MOK: variants seen among roughly 807,000 people sequenced by gnomAD.
MOK encodes MAPK/MAK/MRK overlapping kinase.
MOK carries 59 observed loss-of-function variants against 54.2 expected under a neutral mutation model. That is an observed-to-expected ratio of 1.09 (90% CI 0.88 to 1.35). The LOEUF (loss-of-function observed/expected upper bound fraction) is 1.35. MOK is among the 40% of genes most tolerant of loss of function. The pLI is 0.00. For missense variants in MOK, 517 were observed against 526.2 expected, an observed-to-expected ratio of 0.98 and a Z score of 0.17; for synonymous variants, 210 against 202.7, an observed-to-expected ratio of 1.04 and a Z score of -0.31.
intron 1 of MOK, among the ~76,000 whole-genome samples, chr14:102,284,248 CA>C (rs1050517718): frequency 4.6e-5 from 7 of 151,900 alleles, no homozygotes; most frequent in African/African-American, 1.7e-4. Flanking sequence ...CTGCTGTGAA[CA>C]AAAGTCTAAA....
rs756609940 is a variant in MOK at position 102,304,996 on chromosome 14, C to T, written c.-28G>A. 27 of 1,609,498 alleles carry T rather than the reference C, an allele frequency of 1.7e-5. No homozygotes were observed. In the African/African-American group the frequency reaches 3.1e-4, roughly 18 times the overall value. On this transcript the variant is annotated 5_prime_UTR_variant, in exon 1 of 12. Coordinates refer to ENST00000361847, the MANE Select transcript of MOK (RefSeq NM_014226.3). ...TGGATGCGGAAGCCGGTGACAACCCCTTGCCGACACTGGACGGAAAAGAAA... is the reference window on the plus strand; with the variant it reads ...TGGATGCGGAAGCCGGTGACAACCCTTTGCCGACACTGGACGGAAAAGAAA...
rs1292211443 is a variant in MOK, at chr14:102,233,429, C to T, written c.692+259G>A. On this transcript the variant is annotated intron_variant, in intron 8 of 11. Transcript: ENST00000361847. ...TCCTGTTTAAATTACTCAGGGAACACAGCCTGACTCCCCAGCCCTCAGAAA... is the reference window on the plus strand; with the variant it reads ...TCCTGTTTAAATTACTCAGGGAACATAGCCTGACTCCCCAGCCCTCAGAAA... The T allele has an allele frequency of 3.3e-5, 15 of 452,108 alleles. No individual in the cohort carries two copies. The South Asian group carries it at 3.8e-4, about 11-fold the overall frequency. The allele number at this position is 452,108 out of a possible 1,614,324, so 28.0% of individuals were successfully genotyped here. A position where few individuals can be genotyped will look rare whatever the true frequency, so the allele number is the denominator to read the frequency against.
chr14:102,257,153 C>T (rs2067030930), intron 4 of MOK, among the ~76,000 whole-genome samples: 1 of 151,336 alleles, frequency 6.6e-6, no homozygotes, highest in Non-Finnish European at 1.5e-5. Flanking sequence ...TGCCTTGCAG[C>T]TGAGTGTTCC....
chr14:102,258,577 C>T (rs1253308970), intron 4 of MOK, among the ~76,000 whole-genome samples: 2 of 152,196 alleles, frequency 1.3e-5, no homozygotes, highest in Non-Finnish European at 2.9e-5. Context: ...TCTGGAATAG[C>T]CCATGGCATG....
In MOK at chr14:102,245,810, C is replaced by T. The variant is rs2066051893; in HGVS notation, c.590+5002G>A. Among the ~76,000 whole-genome samples the T allele has an allele frequency of 6.6e-6, 1 of 152,142 alleles. No homozygotes were observed. Among genetic ancestry groups the T allele is most frequent in the South Asian group, 2.1e-4 (1 of 4,828 alleles). On this transcript the variant is annotated intron_variant, in intron 7 of 11. Transcript: ENST00000361847. This position sits in a 1 kb window ranked among gnomAD's most constrained non-coding sequence, Gnocchi z 4.3. ...GCAGCCAAACTCTCAGGACATACCC[C>T]CTAGTATCACCTTTCCAGGTTAAAG... is the stretch of plus-strand genomic sequence containing the variant.
intron 4 of MOK, among the ~76,000 whole-genome samples, chr14:102,253,166 G>A (rs138367962): frequency 1.2e-3 from 187 of 152,302 alleles, no homozygotes; most frequent in African/African-American, 4.3e-3. Flanking sequence ...CAGAATTGTT[G>A]ATAATTTTTT....
intron 1 of MOK, among the ~76,000 whole-genome samples, chr14:102,297,526 C>T (rs1326590020): frequency 1.3e-5 from 2 of 152,234 alleles, no homozygotes; most frequent in Non-Finnish European, 2.9e-5. Context: ...CGCTGGCTCT[C>T]GGCACCTCCT....
intron 1 of MOK, among the ~76,000 whole-genome samples, chr14:102,292,349 T>C (rs2070850533): frequency 6.6e-6 from 1 of 151,928 alleles, no homozygotes; most frequent in African/African-American, 2.4e-5. Flanking sequence ...GGCAGACAGC[T>C]GTAGTCCCAG....
chr14:102,219,340 T>G, the MOK span, among the ~76,000 whole-genome samples: 3 of 152,246 alleles, frequency 2.0e-5, no homozygotes, highest in Admixed American at 1.3e-4. Context: ...GTCCAGTGAC[T>G]CGCACAAGTC....
At position 102,229,371 on chromosome 14, in the gene MOK, C is replaced by CA; in HGVS notation, c.1183-6dup. The CA allele has an allele frequency of 3.1e-6, 5 of 1,614,180 alleles. No individual in the cohort carries two copies. Among genetic ancestry groups the CA allele is most frequent in the Non-Finnish European group, 2.5e-6 (3 of 1,180,006 alleles). On this transcript the variant is annotated splice_polypyrimidine_tract_variant and splice_region_variant and intron_variant, in intron 11 of 11. Transcript: ENST00000361847. ...AAGGTCCTTCTGCGGATCTGTCTGT[C>CA]AAAGAAAAATTACAGACACAAAATT...
Position 102,230,081 on chromosome 14 carries a change from T to C in MOK, c.982-424A>G, listed in dbSNP as rs1260710351. 1 of 182,824 alleles carries C rather than the reference T, an allele frequency of 5.5e-6. No individual in the cohort carries two copies. The highest frequency in any genetic ancestry group is 2.4e-5 in the African/African-American group (1 of 42,112). 11.3% of individuals were successfully genotyped at this position (182,824 alleles called of 1,614,324 possible). The stretch of plus-strand genomic sequence containing the variant: ...TTGAGACACGGTGTTTGTTGCTCTG[T>C]AGCACAGACTGGAGTGCAGTGGTGC... On this transcript the variant is annotated intron_variant, in intron 10 of 11. Coordinates refer to ENST00000361847, the MANE Select transcript of MOK (RefSeq NM_014226.3). This position sits in a 1 kb window ranked among gnomAD's most constrained non-coding sequence, Gnocchi z 4.1.
rs2066023324 is a variant in MOK, at chr14:102,245,515, G to A, written c.590+5297C>T. On this transcript the variant is annotated intron_variant, in intron 7 of 11. Transcript: ENST00000361847. This position sits in a 1 kb window ranked among gnomAD's most constrained non-coding sequence, Gnocchi z 4.3. ...TCCCTGCCTTAACTGATATTTCCTT[G>A]TGAAATTCCTTTTCTCAGAAGCTCC... Among the ~76,000 whole-genome samples the A allele has an allele frequency of 6.6e-6, 1 of 152,038 alleles. No homozygotes were observed. The highest frequency in any genetic ancestry group is 1.5e-5 in the Non-Finnish European group (1 of 68,002).
rs573088823 is a variant in MOK at position 102,232,361 on chromosome 14, C to A, written c.866+174G>T. On this transcript the variant is annotated intron_variant, in intron 9 of 11. Transcript: ENST00000361847. The surrounding 1 kb of genome is among the most constrained non-coding windows in gnomAD (Gnocchi z 5.1). Reference sequence around the variant, plus strand: ...ACATCCTCATTTTGGGGAGGATACACCAGAAGGCAGCACGGTGTGGGCCCC... The same window carrying A: ...ACATCCTCATTTTGGGGAGGATACAACAGAAGGCAGCACGGTGTGGGCCCC... 1 of 637,300 alleles carries A rather than the reference C, an allele frequency of 1.6e-6. No homozygotes were observed. The highest frequency in any genetic ancestry group is 2.5e-6 in the Non-Finnish European group (1 of 397,768). 39.5% of individuals were successfully genotyped at this position (637,300 alleles called of 1,614,324 possible). A position where few individuals can be genotyped will look rare whatever the true frequency, so the allele number is the denominator to read the frequency against.
Position 102,230,945 on chromosome 14 carries a change from T to C in MOK, c.981+762A>G, listed in dbSNP as rs572054326. The C allele has an allele frequency of 6.6e-6, 1 of 152,378 alleles. No homozygotes were observed. Among genetic ancestry groups the C allele is most frequent in the South Asian group, 2.1e-4 (1 of 4,828 alleles). 9.4% of individuals were successfully genotyped at this position (152,378 alleles called of 1,614,324 possible). A position where few individuals can be genotyped will look rare whatever the true frequency, so the allele number is the denominator to read the frequency against. On this transcript the variant is annotated intron_variant, in intron 10 of 11. Coordinates refer to ENST00000361847, the MANE Select transcript of MOK (RefSeq NM_014226.3). This position sits in a 1 kb window ranked among gnomAD's most constrained non-coding sequence, Gnocchi z 4.1. Reference sequence around the variant, plus strand: ...GACCAATGGGACACAGGAGCCTGGCTTTCTGGAGAGCAGCCTGACTGCAGC... The same window carrying C: ...GACCAATGGGACACAGGAGCCTGGCCTTCTGGAGAGCAGCCTGACTGCAGC...
intron 1 of MOK, 88 bp downstream of exon 1, chr14:102,304,874 G>T: frequency 6.9e-7 from 1 of 1,448,690 alleles, no homozygotes. Flanking sequence ...CGGCCCCACA[G>T]GCCCCTCAAG....
At chr14:102,297,034 G>A (rs2071496882) in intron 1 of MOK, among the ~76,000 whole-genome samples, 1 of 151,592 alleles carries the variant, frequency 6.6e-6, no homozygotes, top group Admixed American at 6.6e-5. Flanking sequence ...CTCCAGCCTG[G>A]GCAACACAGC....
chr14:102,227,039 G>A (rs2064279324), downstream of MOK, among the ~76,000 whole-genome samples: 1 of 152,138 alleles, frequency 6.6e-6, no homozygotes, highest in South Asian at 2.1e-4. Flanking sequence ...CCTCCAGAGG[G>A]CCCCCAGCCC....
At chr14:102,242,149 C>A (rs569708837) in intron 7 of MOK, among the ~76,000 whole-genome samples, 1 of 152,178 alleles carries the variant, frequency 6.6e-6, no homozygotes, top group Non-Finnish European at 1.5e-5. Context: ...CCATCACAGA[C>A]GCTTTGGGTA....
chr14:102,229,926 G>A (rs933013358), intron 10 of MOK: 4 of 438,018 alleles, frequency 9.1e-6, no homozygotes, highest in Non-Finnish European at 1.6e-5. Context: ...CGCGGGCTGT[G>A]GTGCCCACGC....
Sources: gnomAD v4.1 joint callset for allele counts (sites outside exome capture counted in the v4.1 genomes callset) on GRCh38, gnomAD v4.1.1 for gene constraint, Gnocchi (gnomAD v3.1) non-coding constraint, MANE v1.5 for transcripts, NCBI Gene and HGNC (gene_info 2026-07-23, HGNC 2026-07-21) for gene names.